Variants in KCNN3 observed in about 807,000 individuals in gnomAD.
The protein encoded by KCNN3 is potassium calcium-activated channel subfamily N member 3.
A neutral mutation model predicts 62.9 loss-of-function variants in KCNN3; 16 were observed. That is an observed-to-expected ratio of 0.25 (90% CI 0.17 to 0.39). The LOEUF is 0.39. Ranked by LOEUF, KCNN3 falls within the 10% of genes least tolerant of loss-of-function variation. The pLI, the probability that KCNN3 is intolerant of heterozygous loss-of-function variation, is 1.00. For synonymous variants in KCNN3, 370 were observed against 389.2 expected (o/e 0.95, Z 0.58); for missense variants, 599 against 949.4 (o/e 0.63, Z 4.85).
chr1:154,733,791 C>T (rs557257867), intron 3 of KCNN3, among the ~76,000 whole-genome samples: 9 of 152,262 alleles, frequency 5.9e-5, no homozygotes, highest in East Asian at 3.9e-4. Context: ...TTCCTCTGCC[C>T]GGATGCCTAT....
chr1:154,743,725 G>A (rs1372189280), intron 3 of KCNN3, among the ~76,000 whole-genome samples: 1 of 152,178 alleles, frequency 6.6e-6, no homozygotes, highest in Non-Finnish European at 1.5e-5. Flanking sequence ...TACTCTACAA[G>A]GTCCTCTACA....
At chr1:154,841,293 G>A (rs1246874148) in intron 1 of KCNN3, among the ~76,000 whole-genome samples, 1 of 152,222 alleles carries the variant, frequency 6.6e-6, no homozygotes. Context: ...CTCTCCACGT[G>A]TCTGCATTCT....
intron 2 of KCNN3, among the ~76,000 whole-genome samples, chr1:154,793,571 A>G (rs1571281985): frequency 2.0e-5 from 3 of 152,260 alleles, no homozygotes; most frequent in African/African-American, 4.8e-5. Flanking sequence ...GCAATAAATC[A>G]TTAATTATAC....
At position 154,701,828 on chromosome 1, in the gene KCNN3, A is replaced by G. The variant is rs773313614; in HGVS notation, c.*6148T>C. ...GAAAGCCGACCCCGGTTTCACGTAC[A>G]TGGAGAAACTCAGAATGCCTAGGAT... On this transcript the variant is annotated 3_prime_UTR_variant, in exon 8 of 8. Transcript: ENST00000271915. The G allele has an allele frequency of 2.6e-5, 4 of 152,228 alleles. No individual in the cohort carries two copies. Among genetic ancestry groups the G allele is most frequent in the Admixed American group, 6.5e-5 (1 of 15,288 alleles). The allele number at this position is 152,228 out of a possible 1,614,324, so 9.4% of individuals were successfully genotyped here. A position where few individuals can be genotyped will look rare whatever the true frequency, so the allele number is the denominator to read the frequency against.
intron 3 of KCNN3, among the ~76,000 whole-genome samples, chr1:154,770,720 G>T (rs1204136460): frequency 6.6e-6 from 1 of 152,180 alleles, no homozygotes; most frequent in African/African-American, 2.4e-5. Context: ...CAGAATCACG[G>T]TTTCTAACCT....
At chr1:154,850,505 G>A (rs1490403607) in intron 1 of KCNN3, among the ~76,000 whole-genome samples, 1 of 152,184 alleles carries the variant, frequency 6.6e-6, no homozygotes, top group Non-Finnish European at 1.5e-5. Context: ...TCTCCTCCCA[G>A]TCTTAAAAAG....
At chr1:154,810,498 A>G (rs563145519) in intron 2 of KCNN3, among the ~76,000 whole-genome samples, 7 of 152,290 alleles carry the variant, frequency 4.6e-5, no homozygotes, top group Admixed American at 1.3e-4. Flanking sequence ...AGCGGGTCCC[A>G]GTTCTGATGG....
At chr1:154,805,116 C>T (rs1164704048) in intron 2 of KCNN3, among the ~76,000 whole-genome samples, 1 of 152,174 alleles carries the variant, frequency 6.6e-6, no homozygotes, top group African/African-American at 2.4e-5. Flanking sequence ...TCTAATGCTG[C>T]TCGGCACACA....
At chr1:154,722,360 A>T (rs560589828) in intron 5 of KCNN3, among the ~76,000 whole-genome samples, 7 of 149,876 alleles carry the variant, frequency 4.7e-5, no homozygotes, top group Admixed American at 2.7e-4. Flanking sequence ...ATTCACTGAG[A>T]TGTTATGAAT....
At chr1:154,795,368 G>T (rs1296222892) in intron 2 of KCNN3, among the ~76,000 whole-genome samples, 1 of 152,192 alleles carries the variant, frequency 6.6e-6, no homozygotes, top group Non-Finnish European at 1.5e-5. Context: ...ACACACAGGG[G>T]CCACCCCACA....
At chr1:154,810,806 CT>C (rs770047380) in intron 2 of KCNN3, among the ~76,000 whole-genome samples, 4 of 152,212 alleles carry the variant, frequency 2.6e-5, no homozygotes, top group Non-Finnish European at 5.9e-5. Flanking sequence ...TTCTAGGCTG[CT>C]TCTAGCCATT....
intron 7 of KCNN3, among the ~76,000 whole-genome samples, chr1:154,712,739 T>C (rs974333783): frequency 3.9e-5 from 6 of 152,142 alleles, no homozygotes; most frequent in Non-Finnish European, 8.8e-5. Context: ...CTTTCTTCAG[T>C]GGCACCGACT....
At position 154,754,375 on chromosome 1, in the gene KCNN3, T is replaced by A. The variant is rs567553850; in HGVS notation, c.1448+17600A>T. Among the ~76,000 whole-genome samples the A allele has an allele frequency of 3.3e-5, 5 of 151,926 alleles. No individual in the cohort carries two copies. The South Asian group carries it at 1.0e-3, about 32-fold the overall frequency. ...GCTGGAAATGGGGCTGGGAGTGGCA[T>A]AAGGATGGGGAACGATTTGAGCCTG... is the stretch of plus-strand genomic sequence containing the variant. On this transcript the variant is annotated intron_variant, in intron 3 of 7. Coordinates refer to ENST00000271915, the MANE Select transcript of KCNN3 (RefSeq NM_002249.6).
chr1:154,794,384 C>T (rs1649640026), intron 2 of KCNN3, among the ~76,000 whole-genome samples: 1 of 152,128 alleles, frequency 6.6e-6, no homozygotes, highest in Non-Finnish European at 1.5e-5. Flanking sequence ...TGAGGCACAC[C>T]TCAAAGGAGC....
Position 154,747,102 on chromosome 1 carries a change from G to A in KCNN3, c.1449-13958C>T, listed in dbSNP as rs542654311. Among the ~76,000 whole-genome samples the A allele has an allele frequency of 9.7e-4, 147 of 152,276 alleles. 1 individual carries two copies. In the South Asian group the frequency reaches 0.014, roughly 14 times the overall value. Reference sequence around the variant, plus strand: ...CCAGCTATCCAGCCAGCCACACTAGGACACCAGACACTGTTCCTGAGCTTC... The same window carrying A: ...CCAGCTATCCAGCCAGCCACACTAGAACACCAGACACTGTTCCTGAGCTTC... On this transcript the variant is annotated intron_variant, in intron 3 of 7. Transcript: ENST00000271915.
At chr1:154,732,651 C>T (rs1410995189) in intron 4 of KCNN3, among the ~76,000 whole-genome samples, 1 of 152,224 alleles carries the variant, frequency 6.6e-6, no homozygotes, top group Non-Finnish European at 1.5e-5. Flanking sequence ...AAACTGCAAG[C>T]TCCAGTGCTC....
intron 1 of KCNN3, among the ~76,000 whole-genome samples, chr1:154,866,571 G>C (rs534989087): frequency 6.6e-6 from 1 of 152,302 alleles, no homozygotes; most frequent in South Asian, 2.1e-4. Flanking sequence ...TACAAGGCCT[G>C]GTACATAGGA....
Position 154,772,381 on chromosome 1 carries a change from C to T in KCNN3, c.1042G>A (p.Asp348Asn), listed in dbSNP as rs1397836050. Residue 348 changes from aspartate (D) to asparagine (N), a missense_variant, in exon 3 of 8, where the codon GAC (aspartate) becomes AAC (asparagine). Coordinates refer to ENST00000271915, the MANE Select transcript of KCNN3 (RefSeq NM_002249.6). The surrounding 1 kb of genome is among the most constrained non-coding windows in gnomAD (Gnocchi z 5.6). ...HTREVQLFVI[D>N]NGADDWRIAM... is the part of the protein sequence containing the mutation. ...ATCCGCCAGTCATCCGCGCCATTGT[C>T]GATCACGAAGAGCTGGTGGGAGCAG... 4 of 1,614,068 alleles carry T rather than the reference C, an allele frequency of 2.5e-6. No individual in the cohort carries two copies. Among genetic ancestry groups the T allele is most frequent in the Admixed American group, 1.7e-5 (1 of 60,022 alleles).
intron 3 of KCNN3, among the ~76,000 whole-genome samples, chr1:154,735,690 C>G (rs1700699417): frequency 6.6e-6 from 1 of 152,218 alleles, no homozygotes. Context: ...TCTGCTGTGG[C>G]CTTGGAAAGG....
Sources: allele counts gnomAD v4.1 joint callset (sites outside exome capture counted in the v4.1 genomes callset), GRCh38; gene constraint gnomAD v4.1.1; non-coding constraint Gnocchi (gnomAD v3.1); transcripts MANE v1.5; gene names NCBI Gene and HGNC (gene_info 2026-07-23, HGNC 2026-07-21).